MYO10: variants seen among roughly 807,000 people sequenced by gnomAD.
The protein encoded by MYO10 is unconventional myosin-X.
Under a neutral mutation model 257.3 loss-of-function variants are expected in MYO10, and 133 were observed. The observed-to-expected ratio is 0.52, with a 90% CI of 0.45 to 0.60. MYO10 has a LOEUF of 0.60. Ranked by LOEUF, MYO10 falls within the 20% of genes least tolerant of loss-of-function variation. The pLI is 0.00. For missense variants in MYO10, 2,399 were observed against 2,635.7 expected, an observed-to-expected ratio of 0.91 and a Z score of 1.97; for synonymous variants, 1,104 against 1,028.6, an observed-to-expected ratio of 1.07 and a Z score of -1.40.
chr5:16,892,732 G>A (rs2126776064), intron 1 of MYO10, among the ~76,000 whole-genome samples: 1 of 152,264 alleles, frequency 6.6e-6, no homozygotes, highest in East Asian at 1.9e-4. Context: ...GCACCTTACT[G>A]GGTCACATCC....
At chr5:16,763,627 A>T (rs1740784402) in intron 13 of MYO10, 28 bp downstream of exon 13, 2 of 1,581,520 alleles carry the variant, frequency 1.3e-6, no homozygotes, top group African/African-American at 1.3e-5. Flanking sequence ...AAAAAAAAAA[A>T]TTGAAATGGA....
chr5:16,668,764 G>A (rs998568951), intron 39 of MYO10, among the ~76,000 whole-genome samples: 5 of 152,134 alleles, frequency 3.3e-5, no homozygotes, highest in African/African-American at 7.2e-5. Context: ...GATTAGCTAC[G>A]TGGAAGTGGC....
At position 16,735,682 on chromosome 5, in the gene MYO10, C is replaced by G. The variant is rs1335253678; in HGVS notation, c.1929+19146G>C. On this transcript the variant is annotated intron_variant, in intron 19 of 40. Transcript: ENST00000513610. ...CACTCTAGCCTAGGCGACAGAGCCTCGGGAAAAAAAAAAAAAAAAAACCCA... is the reference window on the plus strand; with the variant it reads ...CACTCTAGCCTAGGCGACAGAGCCTGGGGAAAAAAAAAAAAAAAAAACCCA... Among the ~76,000 whole-genome samples the G allele has an allele frequency of 2.3e-5, 3 of 133,204 alleles. No individual in the cohort carries two copies. In the South Asian group the frequency reaches 7.9e-4, roughly 35 times the overall value. The allele number at this position is 133,204 out of a possible 152,430, so 87.4% of individuals were successfully genotyped here.
At chr5:16,761,998 G>C (rs142728979) in intron 16 of MYO10, 47 bp downstream of exon 16, 4 of 1,468,022 alleles carry the variant, frequency 2.7e-6, no homozygotes, top group South Asian at 1.4e-5. Flanking sequence ...TGTTTTCTCT[G>C]AATACCAAAC....
At chr5:16,890,995 A>T (rs1310973152) in intron 1 of MYO10, among the ~76,000 whole-genome samples, 1 of 151,736 alleles carries the variant, frequency 6.6e-6, no homozygotes, top group Non-Finnish European at 1.5e-5. Flanking sequence ...ATAGAGACAG[A>T]AAGTTGGTCA....
At chr5:16,842,741 T>C (rs527583185) in intron 2 of MYO10, among the ~76,000 whole-genome samples, 2 of 151,992 alleles carry the variant, frequency 1.3e-5, no homozygotes, top group East Asian at 3.9e-4. Context: ...CCAAAGCAAC[T>C]TAGCAAAAAC....
chr5:16,861,691 C>A (rs142754940), intron 2 of MYO10, among the ~76,000 whole-genome samples: 3 of 152,264 alleles, frequency 2.0e-5, no homozygotes, highest in African/African-American at 7.2e-5. Flanking sequence ...AAGCGGAGGA[C>A]AGGTACACTT....
chr5:16,820,782 C>T (rs890652952), intron 2 of MYO10, among the ~76,000 whole-genome samples: 23 of 151,754 alleles, frequency 1.5e-4, no homozygotes, highest in African/African-American at 5.6e-4. Context: ...ATACTTAAGA[C>T]ACTACAAAAC....
At chr5:16,855,802 T>C (rs77223220) in intron 2 of MYO10, among the ~76,000 whole-genome samples, 2,427 of 152,372 alleles carry the variant, frequency 0.016, 61 homozygotes, top group African/African-American at 0.04. Flanking sequence ...AACAAGGCAC[T>C]GTGAACTCTG....
rs148071521 is a variant in MYO10, at chr5:16,831,718, A to G, written c.121-13551T>C. Among the ~76,000 whole-genome samples the G allele has an allele frequency of 1.2e-3, 184 of 152,262 alleles. 1 individual carries two copies. The highest frequency in any genetic ancestry group is 4.2e-3 in the African/African-American group (174 of 41,562). ...TGACACAATGGACTTTGGGGAATCA[A>G]TGGGAAAGGGTGGGAAGGGGGTGAG... On this transcript the variant is annotated intron_variant, in intron 2 of 40. Coordinates refer to ENST00000513610, the MANE Select transcript of MYO10 (RefSeq NM_012334.3).
chr5:16,704,947 T>C (rs778991281), intron 21 of MYO10, among the ~76,000 whole-genome samples: 36 of 152,234 alleles, frequency 2.4e-4, no homozygotes, highest in Non-Finnish European at 4.8e-4. Flanking sequence ...TTATTGTTAC[T>C]GAATTCAACA....
chr5:16,844,320 A>C (rs1006896742), intron 2 of MYO10, among the ~76,000 whole-genome samples: 1 of 152,178 alleles, frequency 6.6e-6, no homozygotes. Flanking sequence ...ATATTTCACT[A>C]TCAGGTCCAC....
At chr5:16,846,491 A>G (rs962805574) in intron 2 of MYO10, among the ~76,000 whole-genome samples, 3 of 152,202 alleles carry the variant, frequency 2.0e-5, no homozygotes, top group African/African-American at 7.2e-5. Context: ...TTTGGTCACC[A>G]TGAAAGAGCG....
At chr5:16,924,567 C>G (rs1053825514) in intron 1 of MYO10, among the ~76,000 whole-genome samples, 2 of 152,090 alleles carry the variant, frequency 1.3e-5, no homozygotes, top group African/African-American at 2.4e-5. Context: ...CAAATAGGCA[C>G]GCAATGACTT....
At chr5:16,671,344 T>A (rs1736450983) in intron 38 of MYO10, 78 bp downstream of exon 38, 5 of 1,523,718 alleles carry the variant, frequency 3.3e-6, no homozygotes, top group African/African-American at 2.7e-5. Context: ...AAGTACCAGT[T>A]AACTTACAAG....
rs1170631014 is a variant in MYO10, at chr5:16,877,596, G to A, written c.120+13C>T. The stretch of plus-strand genomic sequence containing the variant: ...ACCATGGATGTTGGGAAGCTGCAGG[G>A]ACTTGTTCTCACCTGACCATAGTCT... On this transcript the variant is annotated intron_variant, in intron 2 of 40. Transcript: ENST00000513610. 1 of 1,600,318 alleles carries A rather than the reference G, an allele frequency of 6.2e-7. No homozygotes were observed. The highest frequency in any genetic ancestry group is 8.6e-7 in the Non-Finnish European group (1 of 1,167,948).
At chr5:16,878,985 T>TAA (rs78179858) in intron 1 of MYO10, among the ~76,000 whole-genome samples, 23 of 139,466 alleles carry the variant, frequency 1.6e-4, no homozygotes, top group Admixed American at 1.3e-3. Context: ...TAATGAAATT[T>TAA]AAAAAAAAAA....
intron 2 of MYO10, among the ~76,000 whole-genome samples, chr5:16,853,398 A>G (rs1325137780): frequency 6.6e-6 from 1 of 152,042 alleles, no homozygotes; most frequent in African/African-American, 2.4e-5. Context: ...ATTCATGATC[A>G]TATGTTATGT....
chr5:16,680,922 C>T (rs1736964900), intron 32 of MYO10, among the ~76,000 whole-genome samples: 1 of 152,110 alleles, frequency 6.6e-6, no homozygotes, highest in Non-Finnish European at 1.5e-5. Context: ...TGCTTGAGCC[C>T]TGGAAGGCTG....
Sources: allele counts gnomAD v4.1 joint callset (sites outside exome capture counted in the v4.1 genomes callset), GRCh38; gene constraint gnomAD v4.1.1; transcripts MANE v1.5; gene names NCBI Gene and HGNC (gene_info 2026-07-23, HGNC 2026-07-21).